CALN1: variants seen among roughly 807,000 people sequenced by gnomAD.
CALN1 encodes the protein calneuron 1.
A neutral mutation model predicts 30.6 loss-of-function variants in CALN1; 17 were observed. The observed-to-expected ratio is 0.56, with a 90% CI of 0.38 to 0.83. The LOEUF is 0.83. CALN1 is among the 40% of genes least tolerant of loss of function. The pLI is 0.00. For synonymous variants in CALN1, 156 were observed against 131.4 expected, an observed-to-expected ratio of 1.19 and a Z score of -1.28; for missense variants, 291 against 354.9, an observed-to-expected ratio of 0.82 and a Z score of 1.45.
rs768173048 is a variant in CALN1 at position 71,810,435 on chromosome 7, G to A, written c.559C>T (p.Arg187Ter). 1.9e-6 allele frequency: 3 copies of A among 1,614,044 alleles called. No individual in the cohort carries two copies. Among genetic ancestry groups the A allele is most frequent in the Non-Finnish European group, 2.5e-6 (3 of 1,179,978 alleles). Residue 187 changes from arginine (R) to a stop codon, truncating the protein, a stop_gained, in exon 6 of 7, where the codon CGA becomes TGA. Transcript: ENST00000395275. LOFTEE classifies it high-confidence loss of function. ...ATGTCCTTCATCGTTAGGTGGTCTC[G>A]GAAGGCATGATAGAGAATGTGCTTC... ...ELKHILYHAF[R>*]DHLTMKDIEN... is the part of the protein sequence containing the mutation.
intron 5 of CALN1, among the ~76,000 whole-genome samples, chr7:71,973,819 G>A (rs573330219): frequency 3.3e-5 from 5 of 152,120 alleles, no homozygotes; most frequent in Middle Eastern, 3.2e-3. Flanking sequence ...TAAGTAAAAA[G>A]AAAACTTCCA....
chr7:72,357,430 G>T (rs1274102369), intron 2 of CALN1, among the ~76,000 whole-genome samples: 3 of 151,916 alleles, frequency 2.0e-5, no homozygotes, highest in Admixed American at 1.3e-4. Flanking sequence ...AAAGGGATTC[G>T]ATTGGAAATA....
chr7:72,128,964 T>C (rs1369390613), intron 3 of CALN1, among the ~76,000 whole-genome samples: 2 of 152,194 alleles, frequency 1.3e-5, no homozygotes, highest in African/African-American at 4.8e-5. Flanking sequence ...TTGTAATTTA[T>C]GTTACAAAAG....
upstream of CALN1, among the ~76,000 whole-genome samples, chr7:72,452,088 A>G (rs906099847): frequency 1.3e-5 from 2 of 152,208 alleles, no homozygotes; most frequent in Non-Finnish European, 2.9e-5. Context: ...AAGACTATGG[A>G]TAATTTACAT....
At chr7:72,263,614 C>G (rs995232092) in intron 3 of CALN1, among the ~76,000 whole-genome samples, 4 of 152,028 alleles carry the variant, frequency 2.6e-5, no homozygotes, top group Admixed American at 2.0e-4. Flanking sequence ...ATGTTGCCCA[C>G]TATGTTGCCC....
chr7:72,258,089 C>CCA (rs1796029647), intron 3 of CALN1, among the ~76,000 whole-genome samples: 1 of 151,258 alleles, frequency 6.6e-6, no homozygotes, highest in African/African-American at 2.4e-5. Context: ...TAACCAAAAC[C>CCA]CACCTGTACC....
At position 72,359,976 on chromosome 7, in the gene CALN1, CA is replaced by C. The variant is rs750054515; in HGVS notation, c.119+43274del. 6.0e-3 allele frequency among the ~76,000 whole-genome samples: 385 copies of C among 63,962 alleles called. 19 individuals carry two copies. Among genetic ancestry groups the C allele is most frequent in the Admixed American group, 0.058 (316 of 5,484 alleles). 42.0% of individuals were successfully genotyped at this position (63,962 alleles called of 152,430 possible). On this transcript the variant is annotated intron_variant, in intron 2 of 6. Transcript: ENST00000395275. ...TGGGTGACAGAGTGAGACTCCATCT[CA>C]AAAAAAAAAAAAAACCAAAGTTGAC...
chr7:72,367,850 T>TA (rs1354954071), intron 2 of CALN1, among the ~76,000 whole-genome samples: 1 of 151,698 alleles, frequency 6.6e-6, no homozygotes, highest in Non-Finnish European at 1.5e-5. Flanking sequence ...AATATATATA[T>TA]AGGCCGGGTC....
chr7:72,101,254 T>C (rs546370143), intron 4 of CALN1, among the ~76,000 whole-genome samples: 1 of 152,270 alleles, frequency 6.6e-6, no homozygotes, highest in Non-Finnish European at 1.5e-5. Flanking sequence ...TAGGTTTTAT[T>C]ACAAGAGTTG....
intron 2 of CALN1, among the ~76,000 whole-genome samples, chr7:72,357,612 C>T (rs1012805499): frequency 1.3e-5 from 2 of 151,412 alleles, no homozygotes; most frequent in East Asian, 1.9e-4. Context: ...GTCAAATCAA[C>T]GGAATCAGAA....
chr7:72,425,783 GCAGATTCTT>G (rs1469446303), intron 1 of CALN1, among the ~76,000 whole-genome samples: 15 of 152,314 alleles, frequency 9.8e-5, no homozygotes, highest in African/African-American at 3.4e-4. Flanking sequence ...ATTTGACTTT[GCAGATTCTT>G]AAGATTGCAG....
At chr7:72,004,763 T>C (rs1799686035) in intron 5 of CALN1, among the ~76,000 whole-genome samples, 1 of 151,654 alleles carries the variant, frequency 6.6e-6, no homozygotes, top group Non-Finnish European at 1.5e-5. Flanking sequence ...AGGAGTAGTA[T>C]ACAAAATATA....
At chr7:72,294,482 G>C (rs1438608757) in intron 2 of CALN1, among the ~76,000 whole-genome samples, 1 of 152,052 alleles carries the variant, frequency 6.6e-6, no homozygotes, top group Non-Finnish European at 1.5e-5. Flanking sequence ...GGGCACAGTG[G>C]CTCATACTCA....
upstream of CALN1, among the ~76,000 whole-genome samples, chr7:72,414,915 TC>T (rs1807373938): frequency 6.6e-6 from 1 of 152,188 alleles, no homozygotes; most frequent in South Asian, 2.1e-4. Context: ...TGTGACTATA[TC>T]TGAAGATAGG....
intron 5 of CALN1, among the ~76,000 whole-genome samples, chr7:71,924,508 C>T (rs1334092247): frequency 3.3e-5 from 5 of 152,274 alleles, no homozygotes; most frequent in African/African-American, 1.2e-4. Flanking sequence ...AACCAGAACA[C>T]ACCCAATACG....
intron 3 of CALN1, among the ~76,000 whole-genome samples, chr7:72,164,430 G>C (rs932640475): frequency 6.6e-6 from 1 of 151,530 alleles, no homozygotes; most frequent in Non-Finnish European, 1.5e-5. Flanking sequence ...GCAGAAAATG[G>C]AATTATACTC....
chr7:72,488,880 C>T, the CALN1 span, among the ~76,000 whole-genome samples: 2 of 152,148 alleles, frequency 1.3e-5, no homozygotes, highest in Non-Finnish European at 2.9e-5. Context: ...GATAGGGTCT[C>T]ACTATGTTGC....
upstream of CALN1, among the ~76,000 whole-genome samples, chr7:72,449,038 C>T (rs2129564666): frequency 6.6e-6 from 1 of 152,164 alleles, no homozygotes; most frequent in East Asian, 1.9e-4. Context: ...GGGAGGTGGG[C>T]TGTAGTGTCA....
the CALN1 span, among the ~76,000 whole-genome samples, chr7:72,460,493 G>A: frequency 9.9e-5 from 15 of 152,112 alleles, no homozygotes; most frequent in South Asian, 8.3e-4. Flanking sequence ...TTAGCCGGGC[G>A]TGGTGGCAGG....
Sources: gnomAD v4.1 joint callset for allele counts (sites outside exome capture counted in the v4.1 genomes callset) on GRCh38, gnomAD v4.1.1 for gene constraint, MANE v1.5 for transcripts, NCBI Gene and HGNC (gene_info 2026-07-23, HGNC 2026-07-21) for gene names.